CNTNAP2: variants seen among roughly 807,000 people sequenced by gnomAD.
CNTNAP2 encodes contactin-associated protein-like 2.
A neutral mutation model predicts 155.2 loss-of-function variants in CNTNAP2; 98 were observed. The observed-to-expected ratio is 0.63, with a 90% CI of 0.54 to 0.75. CNTNAP2 has a LOEUF of 0.75. CNTNAP2 is among the 30% of genes least tolerant of loss of function. The pLI, the probability that CNTNAP2 is intolerant of heterozygous loss-of-function variation, is 0.00. For synonymous variants in CNTNAP2, 651 were observed against 631.2 expected (o/e 1.03, Z -0.47); for missense variants, 1,727 against 1,688.1 (o/e 1.02, Z -0.40).
At position 148,132,633 on chromosome 7, in the gene CNTNAP2, T is replaced by C. The variant is rs939625975; in HGVS notation, c.2554+14345T>C. On this transcript the variant is annotated intron_variant, in intron 16 of 23. Coordinates refer to ENST00000361727, the MANE Select transcript of CNTNAP2 (RefSeq NM_014141.6). ...GAGGCCATGAGATGTAGAATAGAAA[T>C]GTTGAAGAACAAAAAGAATTGTTTC... Among the ~76,000 whole-genome samples the C allele has an allele frequency of 3.3e-5, 5 of 152,290 alleles. No individual in the cohort carries two copies. In the East Asian group the frequency reaches 9.7e-4, roughly 29 times the overall value.
intron 1 of CNTNAP2, among the ~76,000 whole-genome samples, chr7:146,418,275 C>T (rs1028109641): frequency 6.6e-6 from 1 of 152,210 alleles, no homozygotes; most frequent in Non-Finnish European, 1.5e-5. Flanking sequence ...CTCTGTTTCA[C>T]TCGGCCACAA....
intron 12 of CNTNAP2, among the ~76,000 whole-genome samples, chr7:147,613,461 G>A (rs1010286692): frequency 6.6e-5 from 10 of 152,072 alleles, no homozygotes; most frequent in Admixed American, 3.3e-4. Flanking sequence ...ATGGCATGTC[G>A]ATGAAGAAGA....
intron 10 of CNTNAP2, among the ~76,000 whole-genome samples, chr7:147,419,855 T>A (rs540383721): frequency 2.0e-5 from 3 of 152,188 alleles, no homozygotes; most frequent in Non-Finnish European, 4.4e-5. Context: ...AGTTATAGAT[T>A]GTGATCTCTC....
intron 1 of CNTNAP2, among the ~76,000 whole-genome samples, chr7:146,213,763 G>A (rs1458280730): frequency 3.9e-5 from 6 of 152,018 alleles, no homozygotes; most frequent in South Asian, 2.1e-4. Context: ...TTGTGTTTCC[G>A]TCTGTAGAAA....
At chr7:147,170,339 AG>A (rs1463972435) in intron 8 of CNTNAP2, among the ~76,000 whole-genome samples, 1 of 151,930 alleles carries the variant, frequency 6.6e-6, no homozygotes, top group African/African-American at 2.4e-5. Flanking sequence ...CTGAAGTGTG[AG>A]GGGGAGAGGG....
chr7:146,323,987 G>T (rs1467354533), intron 1 of CNTNAP2, among the ~76,000 whole-genome samples: 1 of 152,046 alleles, frequency 6.6e-6, no homozygotes, highest in Non-Finnish European at 1.5e-5. Context: ...CTCGTCATAT[G>T]GCCTAAAGAC....
intron 10 of CNTNAP2, among the ~76,000 whole-genome samples, chr7:147,455,734 C>G (rs1443999158): frequency 6.6e-6 from 1 of 152,080 alleles, no homozygotes; most frequent in Non-Finnish European, 1.5e-5. Flanking sequence ...ATAACAACAA[C>G]TCAGACCACT....
intron 13 of CNTNAP2, among the ~76,000 whole-genome samples, chr7:147,878,796 G>A (rs758733949): frequency 6.6e-6 from 1 of 152,120 alleles, no homozygotes; most frequent in Non-Finnish European, 1.5e-5. Context: ...ACAGTGGCAG[G>A]CCATAATACT....
intron 9 of CNTNAP2, among the ~76,000 whole-genome samples, chr7:147,344,342 A>G (rs866922474): frequency 6.6e-6 from 1 of 152,226 alleles, no homozygotes; most frequent in South Asian, 2.1e-4. Flanking sequence ...AAAGATATTT[A>G]GGGTCAGTCC....
intron 10 of CNTNAP2, 135 bp downstream of exon 10, chr7:147,395,915 GTATTGTAGTATACTTGTGATA>G: frequency 2.3e-6 from 2 of 860,928 alleles, no homozygotes; most frequent in South Asian, 3.1e-5. Context: ...TTCAAAGTAC[GTATTGTAGTATACTTGTGATA>G]TTAGCAGTGA....
intron 3 of CNTNAP2, among the ~76,000 whole-genome samples, chr7:146,926,324 C>G (rs1306956882): frequency 6.6e-6 from 1 of 152,038 alleles, no homozygotes; most frequent in Non-Finnish European, 1.5e-5. Context: ...TACTCTTCTC[C>G]TCTAACAGTA....
chr7:147,489,453 A>T (rs902992708), intron 11 of CNTNAP2, among the ~76,000 whole-genome samples: 2 of 152,178 alleles, frequency 1.3e-5, no homozygotes, highest in African/African-American at 4.8e-5. Flanking sequence ...AACTTGAAAA[A>T]ATTTTCTCAT....
intron 1 of CNTNAP2, among the ~76,000 whole-genome samples, chr7:146,508,995 T>G (rs1045419359): frequency 1.3e-5 from 2 of 152,134 alleles, no homozygotes; most frequent in African/African-American, 2.4e-5. Context: ...ATGGCAGTAG[T>G]CACCTCATGT....
chr7:147,175,794 G>A (rs932840982), intron 8 of CNTNAP2, among the ~76,000 whole-genome samples: 1 of 152,170 alleles, frequency 6.6e-6, no homozygotes, highest in African/African-American at 2.4e-5. Context: ...ATGGTTCTCA[G>A]CAGATCCAGC....
chr7:148,091,506 A>C (rs955071330), intron 15 of CNTNAP2, among the ~76,000 whole-genome samples: 3 of 152,220 alleles, frequency 2.0e-5, no homozygotes, highest in African/African-American at 7.2e-5. Context: ...GGTCCAGAGA[A>C]GGCGATGCAT....
At chr7:147,164,705 A>G (rs1802085498) in intron 8 of CNTNAP2, among the ~76,000 whole-genome samples, 2 of 152,190 alleles carry the variant, frequency 1.3e-5, no homozygotes, top group African/African-American at 4.8e-5. Flanking sequence ...TTCTCAGTTT[A>G]AACTTTATTC....
intron 21 of CNTNAP2, among the ~76,000 whole-genome samples, chr7:148,292,573 C>A (rs1797206676): frequency 6.6e-6 from 1 of 152,182 alleles, no homozygotes; most frequent in Admixed American, 6.5e-5. Context: ...GAAAAAGAGG[C>A]TGAGTATCTT....
chr7:147,322,182 C>T (rs1247775483), intron 9 of CNTNAP2, among the ~76,000 whole-genome samples: 1 of 152,156 alleles, frequency 6.6e-6, no homozygotes, highest in Non-Finnish European at 1.5e-5. Flanking sequence ...CCCCTGAAAT[C>T]TCATACAATG....
At chr7:147,781,085 C>A (rs767166860) in intron 13 of CNTNAP2, among the ~76,000 whole-genome samples, 11 of 152,120 alleles carry the variant, frequency 7.2e-5, no homozygotes, top group Non-Finnish European at 1.2e-4. Context: ...CTATTGGTAA[C>A]TTATTAGTTG....
Sources: gnomAD v4.1 joint callset for allele counts (sites outside exome capture counted in the v4.1 genomes callset) on GRCh38, gnomAD v4.1.1 for gene constraint, MANE v1.5 for transcripts, NCBI Gene and HGNC (gene_info 2026-07-23, HGNC 2026-07-21) for gene names.